The following PXN variants were observed in gnomAD, a reference collection of about 807,000 sequenced individuals.
The protein encoded by PXN is testicular tissue protein Li 134.
Under a neutral mutation model 103.6 loss-of-function variants are expected in PXN, and 61 were observed. The observed-to-expected ratio is 0.59, with a 90% CI of 0.48 to 0.73. PXN has a LOEUF of 0.73. PXN is among the 30% of genes least tolerant of loss of function. The pLI is 0.00. For synonymous variants in PXN, 562 were observed against 607.8 expected, an observed-to-expected ratio of 0.92 and a Z score of 1.11; for missense variants, 1,274 against 1,460.3, an observed-to-expected ratio of 0.87 and a Z score of 2.08.
chr12:120,240,669 C>G (rs1331410495), intron 1 of PXN, among the ~76,000 whole-genome samples: 1 of 152,164 alleles, frequency 6.6e-6, no homozygotes, highest in African/African-American at 2.4e-5. Flanking sequence ...CCCAGGAGTC[C>G]AGTCCAAAAG....
chr12:120,244,649 GAA>G (rs753590396), intron 1 of PXN, among the ~76,000 whole-genome samples: 11 of 127,512 alleles, frequency 8.6e-5, no homozygotes, highest in Admixed American at 8.0e-5. Flanking sequence ...CTCCGTCTCG[GAA>G]AAAAAAAAAA....
intron 1 of PXN, among the ~76,000 whole-genome samples, chr12:120,254,707 C>T (rs1485591363): frequency 5.9e-5 from 9 of 152,012 alleles, no homozygotes; most frequent in East Asian, 3.9e-4. Context: ...CGTGCCACCA[C>T]GCCCAGCTAA....
Position 120,219,256 on chromosome 12 carries a change from A to G in PXN, c.1667T>C (p.Met556Thr), listed in dbSNP as rs1352515302. Residue 556 changes from methionine (M) to threonine (T), a missense_variant, in exon 7 of 15, where the codon ATG becomes ACG. By Grantham distance (81) the Met-to-Thr change is moderately conservative (BLOSUM62 -1). This residue lies in a region of PXN where 1,178 missense variants were observed against 1,309.0 expected (regional missense o/e 0.90). Coordinates refer to ENST00000637617, the MANE Select transcript of PXN (RefSeq NM_001385981.1). This position sits in a 1 kb window ranked among gnomAD's most constrained non-coding sequence, Gnocchi z 6.5. ...GKEQPELPCAMAMGTPSTTER... is the reference protein window; with the variant it reads ...GKEQPELPCATAMGTPSTTER... Reference sequence around the variant, plus strand: ...CGTGGTGCTGGGTGTGCCCATGGCCATGGCACATGGAAGCTCTGGCTGTTC... The same window carrying G: ...CGTGGTGCTGGGTGTGCCCATGGCCGTGGCACATGGAAGCTCTGGCTGTTC... 2 of 1,597,894 alleles carry G rather than the reference A, an allele frequency of 1.3e-6. No individual in the cohort carries two copies. The highest frequency in any genetic ancestry group is 3.3e-5 in the Admixed American group (2 of 59,966).
In PXN at chr12:120,219,277, T is replaced by C; in HGVS notation, c.1646A>G (p.Gln549Arg). The change falls in exon 7 of 15, where the codon CAG (glutamine) becomes CGG (arginine). Residue 549 changes from glutamine (Q) to arginine (R), a missense_variant. Gln to Arg is a conservative substitution (Grantham distance 43, BLOSUM62 1). Around this residue, in one of 2 missense-constraint regions of PXN, gnomAD observed 1,178 missense variants for 1,309.0 expected, o/e 0.90. Coordinates refer to ENST00000637617, the MANE Select transcript of PXN (RefSeq NM_001385981.1). The surrounding 1 kb of genome is among the most constrained non-coding windows in gnomAD (Gnocchi z 6.5). ...TEAATQDGKEQPELPCAMAMG... is the reference protein window; with the variant it reads ...TEAATQDGKERPELPCAMAMG... ...GGCCATGGCACATGGAAGCTCTGGC[T>C]GTTCCTTCCCGTCCTGGGTGGCAGC... 6.3e-7 allele frequency: 1 copy of C among 1,598,444 alleles called. No individual in the cohort carries two copies. Among genetic ancestry groups the C allele is most frequent in the East Asian group, 2.2e-5 (1 of 44,878 alleles).
rs1886273182 is a variant in PXN, at chr12:120,224,547, A to ACCAAGAGC, written c.14-178_14-171dup. On this transcript the variant is annotated intron_variant, in intron 1 of 14. Transcript: ENST00000637617. The surrounding 1 kb of genome is among the most constrained non-coding windows in gnomAD (Gnocchi z 5.0). ...GAAGCCACCAGCCCCGACCAGCCTA[A>ACCAAGAGC]CCAAGAGCCGGCTCCCAAAGCTAAC... The ACCAAGAGC allele has an allele frequency of 1.4e-6, 1 of 720,848 alleles. No homozygotes were observed. The highest frequency in any genetic ancestry group is 1.7e-5 in the African/African-American group (1 of 57,760). 44.7% of individuals were successfully genotyped at this position (720,848 alleles called of 1,614,324 possible).
chr12:120,225,005 G>T lies in PXN; in HGVS notation c.14-628C>A, dbSNP rs1236655003. 2 of 315,732 alleles carry T rather than the reference G, an allele frequency of 6.3e-6. No individual in the cohort carries two copies. The highest frequency in any genetic ancestry group is 4.3e-5 in the African/African-American group (2 of 46,160). The allele number at this position is 315,732 out of a possible 1,614,324, so 19.6% of individuals were successfully genotyped here. The stretch of plus-strand genomic sequence containing the variant: ...CGGTCCCCACCCCCTCAGTGAGCAG[G>T]GGGCAAGACTGCTCCATTGGCTGTT... On this transcript the variant is annotated intron_variant, in intron 1 of 14. Transcript: ENST00000637617. The surrounding 1 kb of genome is among the most constrained non-coding windows in gnomAD (Gnocchi z 4.4).
chr12:120,228,961 C>G lies in PXN; in HGVS notation c.14-4584G>C, dbSNP rs1345743320. Among the ~76,000 whole-genome samples, 1 of 152,214 alleles carries G rather than the reference C, an allele frequency of 6.6e-6. No individual in the cohort carries two copies. Among genetic ancestry groups the G allele is most frequent in the Non-Finnish European group, 1.5e-5 (1 of 68,038 alleles). ...GAAGCCCTTCCCTGGGCCTCAGCAA[C>G]TGACTGAGCGTAATCCTTACAACCG... On this transcript the variant is annotated intron_variant, in intron 1 of 14. Coordinates refer to ENST00000637617, the MANE Select transcript of PXN (RefSeq NM_001385981.1). The surrounding 1 kb of genome is among the most constrained non-coding windows in gnomAD (Gnocchi z 4.7).
At chr12:120,226,738 G>C (rs1886959957) in intron 1 of PXN, 1 of 1,088,120 alleles carries the variant, frequency 9.2e-7, no homozygotes, top group Non-Finnish European at 1.1e-6. Flanking sequence ...AGCCAGACCT[G>C]AGTTCAAGTG....
At chr12:120,223,865 C>A (rs116782844) in intron 2 of PXN, 32 bp from the exon 3 acceptor site, 1 of 1,498,244 alleles carries the variant, frequency 6.7e-7, no homozygotes, top group East Asian at 2.4e-5. Context: ...GAGGCTACCC[C>A]GAGGGGAGAA....
At chr12:120,256,501 G>T (rs530415321) in intron 1 of PXN, among the ~76,000 whole-genome samples, 1 of 150,212 alleles carries the variant, frequency 6.7e-6, no homozygotes, top group Non-Finnish European at 1.5e-5. Flanking sequence ...GGGCCACATG[G>T]GGCCACAGCC....
In PXN at chr12:120,217,774, T is replaced by G. The variant is rs1218227902; in HGVS notation, c.1717-658A>C. Among the ~76,000 whole-genome samples, 1 of 151,484 alleles carries G rather than the reference T, an allele frequency of 6.6e-6. No homozygotes were observed. Among genetic ancestry groups the G allele is most frequent in the Admixed American group, 6.6e-5 (1 of 15,220 alleles). On this transcript the variant is annotated intron_variant, in intron 7 of 14. Coordinates refer to ENST00000637617, the MANE Select transcript of PXN (RefSeq NM_001385981.1). This position sits in a 1 kb window ranked among gnomAD's most constrained non-coding sequence, Gnocchi z 4.1. ...TTTGTTGTTGTTGTTTTTTGTTTTT[T>G]TTTTTAGTAGAGATGGGGTTTCATC...
chr12:120,216,826 G>C lies in PXN; in HGVS notation c.1992+15C>G. 6.5e-7 allele frequency: 1 copy of C among 1,546,412 alleles called. No individual in the cohort carries two copies. The highest frequency in any genetic ancestry group is 8.6e-7 in the Non-Finnish European group (1 of 1,158,616). ...GGCTCTGGCCCAGCCCCAGCCATGG[G>C]CATCTCCTCGCCACCTTCTCTACGA... is the stretch of plus-strand genomic sequence containing the variant. On this transcript the variant is annotated intron_variant, in intron 8 of 14. Transcript: ENST00000637617. This position sits in a 1 kb window ranked among gnomAD's most constrained non-coding sequence, Gnocchi z 5.1.
intron 7 of PXN, among the ~76,000 whole-genome samples, chr12:120,218,656 G>A (rs567370420): frequency 9.8e-5 from 15 of 152,344 alleles, no homozygotes; most frequent in African/African-American, 1.2e-4. Context: ...GATTACAGGC[G>A]TGAGCCACCA....
chr12:120,215,266 G>T lies in PXN; in HGVS notation c.2411C>A (p.Ala804Asp). 6.3e-7 allele frequency: 1 copy of T among 1,586,018 alleles called. No individual in the cohort carries two copies. Among genetic ancestry groups the T allele is most frequent in the Admixed American group, 1.8e-5 (1 of 55,872 alleles). Residue 804 changes from alanine to aspartate, a missense_variant, in exon 11 of 15, where the codon GCC (alanine) becomes GAC (aspartate). Physicochemically the swap from Ala to Asp is moderately radical, Grantham distance 126. This residue lies in a region of PXN where 1,178 missense variants were observed against 1,309.0 expected (regional missense o/e 0.90). Coordinates refer to ENST00000637617, the MANE Select transcript of PXN (RefSeq NM_001385981.1). This position sits in a 1 kb window ranked among gnomAD's most constrained non-coding sequence, Gnocchi z 4.9. Reference sequence around the variant, plus strand: ...TGAGCTGCTCCCTGTCTTCCCCTGGGCCATGAACTGTGGACACGGAGGGGG... The same window carrying T: ...TGAGCTGCTCCCTGTCTTCCCCTGGTCCATGAACTGTGGACACGGAGGGGG... ...PGGQDEGGFM[A>D]QGKTGSSSPP...
intron 1 of PXN, among the ~76,000 whole-genome samples, chr12:120,256,887 T>C: frequency 6.6e-6 from 1 of 152,078 alleles, no homozygotes; most frequent in East Asian, 1.9e-4. Context: ...CCAGCTAATT[T>C]TGTATTTTAG....
chr12:120,242,058 G>A (rs370550276), intron 1 of PXN, among the ~76,000 whole-genome samples: 40 of 152,244 alleles, frequency 2.6e-4, no homozygotes, highest in East Asian at 1.2e-3. Context: ...GAAGGTCTGC[G>A]GCAGGGGTCA....
intron 1 of PXN, chr12:120,226,984 G>A (rs1367828289): frequency 2.0e-6 from 2 of 987,874 alleles, no homozygotes; most frequent in Non-Finnish European, 2.4e-6. Flanking sequence ...CATCAGATCT[G>A]ATTTGCTCTG....
intron 1 of PXN, among the ~76,000 whole-genome samples, chr12:120,251,803 C>T (rs1021408953): frequency 2.6e-5 from 4 of 152,024 alleles, no homozygotes. Context: ...GGCAACAGAG[C>T]GAGACTTGGT....
chr12:120,219,123 G>A lies in PXN; in HGVS notation c.1716+84C>T. 7 of 1,339,412 alleles carry A rather than the reference G, an allele frequency of 5.2e-6. No homozygotes were observed. The highest frequency in any genetic ancestry group is 1.5e-5 in the African/African-American group (1 of 67,808). 83.0% of individuals were successfully genotyped at this position (1,339,412 alleles called of 1,614,324 possible). The stretch of plus-strand genomic sequence containing the variant: ...GCCCAAGCAGACATGCGCAGAGTGG[G>A]AGGCTGCATGCAGTTAGCGAGGAGC... On this transcript the variant is annotated intron_variant, in intron 7 of 14. Coordinates refer to ENST00000637617, the MANE Select transcript of PXN (RefSeq NM_001385981.1). This position sits in a 1 kb window ranked among gnomAD's most constrained non-coding sequence, Gnocchi z 6.5.
Sources: allele counts gnomAD v4.1 joint callset (sites outside exome capture counted in the v4.1 genomes callset), GRCh38; gene constraint gnomAD v4.1.1; regional missense constraint gnomAD v4.1.1; non-coding constraint Gnocchi (gnomAD v3.1); transcripts MANE v1.5; gene names NCBI Gene and HGNC (gene_info 2026-07-23, HGNC 2026-07-21).